The following DNMT3A variants were observed in gnomAD, a reference collection of about 807,000 sequenced individuals.
The protein encoded by DNMT3A is DNA (cytosine-5)-methyltransferase 3A.
In DNMT3A, 267 loss-of-function variants were observed where a neutral mutation model predicts 117.6. That is an observed-to-expected ratio of 2.27 (90% CI 2.05 to 2.51). The LOEUF (loss-of-function observed/expected upper bound fraction) is 2.51. DNMT3A is among the 30% of genes most tolerant of loss of function. The pLI, the probability that DNMT3A is intolerant of heterozygous loss-of-function variation, is 0.00. For synonymous variants in DNMT3A, 432 were observed against 474.8 expected (o/e 0.91, Z 1.17); for missense variants, 1,029 against 1,260.2 (o/e 0.82, Z 2.78).
chr2:25,274,241 A>T (rs536671140), intron 6 of DNMT3A, among the ~76,000 whole-genome samples: 12 of 152,316 alleles, frequency 7.9e-5, no homozygotes, highest in African/African-American at 2.6e-4. Flanking sequence ...GTCCATCAGC[A>T]AGCCCTAGCT....
At chr2:25,316,057 G>A (rs921787039) in intron 1 of DNMT3A, among the ~76,000 whole-genome samples, 3 of 152,212 alleles carry the variant, frequency 2.0e-5, no homozygotes, top group Non-Finnish European at 1.5e-5. Flanking sequence ...AGCTCTGACC[G>A]GCCAAGGAAG....
intron 2 of DNMT3A, among the ~76,000 whole-genome samples, chr2:25,309,614 C>A (rs2033990699): frequency 6.6e-6 from 1 of 152,154 alleles, no homozygotes; most frequent in Non-Finnish European, 1.5e-5. Context: ...AGCGCAGAAG[C>A]CAGCCTCATT....
chr2:25,235,846 A>T, intron 21 of DNMT3A, 21 bp from the exon 22 acceptor site: 1 of 1,600,170 alleles, frequency 6.2e-7, no homozygotes. Flanking sequence ...AGGAGAAAAG[A>T]GGAATAAGCA....
chr2:25,252,526 C>G lies in DNMT3A; in HGVS notation c.640-4274G>C, dbSNP rs1675708897. Reference sequence around the variant, plus strand: ...GGGGCGAGGCCGTTCCCCGCCCGTTCCCAGGGCCCGCCCAGGCCGGGCTGC... The same window carrying G: ...GGGGCGAGGCCGTTCCCCGCCCGTTGCCAGGGCCCGCCCAGGCCGGGCTGC... On this transcript the variant is annotated intron_variant, in intron 6 of 22. Coordinates refer to ENST00000321117, the MANE Select transcript of DNMT3A (RefSeq NM_022552.5). The surrounding 1 kb of genome is among the most constrained non-coding windows in gnomAD (Gnocchi z 5.5). Among the ~76,000 whole-genome samples the G allele has an allele frequency of 6.6e-6, 1 of 151,630 alleles. No homozygotes were observed. Among genetic ancestry groups the G allele is most frequent in the Non-Finnish European group, 1.5e-5 (1 of 67,842 alleles).
chr2:25,270,868 C>T (rs2030824181), intron 6 of DNMT3A, among the ~76,000 whole-genome samples: 1 of 152,138 alleles, frequency 6.6e-6, no homozygotes, highest in Non-Finnish European at 1.5e-5. Flanking sequence ...GAAAACATTA[C>T]AAAAAATTAG....
In DNMT3A at chr2:25,237,205, C is replaced by A. The variant is rs984895615; in HGVS notation, c.2409-200G>T. Among the ~76,000 whole-genome samples, 1 of 152,210 alleles carries A rather than the reference C, an allele frequency of 6.6e-6. No individual in the cohort carries two copies. Among genetic ancestry groups the A allele is most frequent in the African/African-American group, 2.4e-5 (1 of 41,446 alleles). On this transcript the variant is annotated intron_variant, in intron 20 of 22. Transcript: ENST00000321117. The surrounding 1 kb of genome is among the most constrained non-coding windows in gnomAD (Gnocchi z 5.4). The stretch of plus-strand genomic sequence containing the variant: ...CACACACTGCAGCCATGCAAAGACA[C>A]AAATCCACCAAGCGTTAATCCTTAA...
chr2:25,319,201 A>G lies in DNMT3A; in HGVS notation c.-177-5040T>C, dbSNP rs550377428. The stretch of plus-strand genomic sequence containing the variant: ...GGCTAATTTTTTGTATTTCTAGTAG[A>G]GACGGGGTTTCACCATGTTAGCCAG... On this transcript the variant is annotated intron_variant, in intron 1 of 22. Transcript: ENST00000321117. Among the ~76,000 whole-genome samples, 3 of 151,320 alleles carry G rather than the reference A, an allele frequency of 2.0e-5. No homozygotes were observed. In the South Asian group the frequency reaches 6.3e-4, roughly 32 times the overall value.
At chr2:25,256,925 A>G (rs1005833934) in intron 6 of DNMT3A, among the ~76,000 whole-genome samples, 4 of 152,212 alleles carry the variant, frequency 2.6e-5, no homozygotes, top group African/African-American at 9.7e-5. Flanking sequence ...TGCCCATAGT[A>G]GAGGATTAAA....
At chr2:25,297,603 C>A (rs1016415503) in intron 3 of DNMT3A, among the ~76,000 whole-genome samples, 1 of 151,796 alleles carries the variant, frequency 6.6e-6, no homozygotes, top group Non-Finnish European at 1.5e-5. Context: ...CTTCCCCTTC[C>A]GGGTTCAAGC....
intron 6 of DNMT3A, among the ~76,000 whole-genome samples, chr2:25,262,049 G>T (rs1676661906): frequency 6.6e-6 from 1 of 151,968 alleles, no homozygotes; most frequent in African/African-American, 2.4e-5. Flanking sequence ...AATTAGCTGG[G>T]CATGGCAGCA....
rs1298452952 is a variant in DNMT3A, at chr2:25,339,912, C to G, written c.-178+1914G>C. Reference sequence around the variant, plus strand: ...AGGCGACACTGGAGCAGCACCTGATCCCAGGATCCCTTCGTAGCCGCCCGC... The same window carrying G: ...AGGCGACACTGGAGCAGCACCTGATGCCAGGATCCCTTCGTAGCCGCCCGC... On this transcript the variant is annotated intron_variant, in intron 1 of 22. Coordinates refer to ENST00000321117, the MANE Select transcript of DNMT3A (RefSeq NM_022552.5). The surrounding 1 kb of genome is among the most constrained non-coding windows in gnomAD (Gnocchi z 4.9). Among the ~76,000 whole-genome samples the G allele has an allele frequency of 1.4e-5, 2 of 147,038 alleles. No homozygotes were observed. The highest frequency in any genetic ancestry group is 2.5e-5 in the African/African-American group (1 of 39,452).
chr2:25,313,287 A>G (rs1450261361), intron 2 of DNMT3A, among the ~76,000 whole-genome samples: 1 of 150,108 alleles, frequency 6.7e-6, no homozygotes, highest in Non-Finnish European at 1.5e-5. Context: ...TTCTGAAAAC[A>G]TGGAGGTCAC....
chr2:25,314,604 T>C, intron 1 of DNMT3A: 3 of 984,664 alleles, frequency 3.0e-6, no homozygotes, highest in Non-Finnish European at 3.6e-6. Context: ...TCCCGCCACG[T>C]GGAGGAAGTG....
At chr2:25,283,882 G>A (rs1434888668) in intron 3 of DNMT3A, among the ~76,000 whole-genome samples, 1 of 152,216 alleles carries the variant, frequency 6.6e-6, no homozygotes, top group Non-Finnish European at 1.5e-5. Flanking sequence ...CTGGGAAGCA[G>A]GTGAGGAACC....
chr2:25,294,668 G>T lies in DNMT3A; in HGVS notation c.177+5471C>A, dbSNP rs2032985282. On this transcript the variant is annotated intron_variant, in intron 3 of 22. Transcript: ENST00000321117. This position sits in a 1 kb window ranked among gnomAD's most constrained non-coding sequence, Gnocchi z 4.7. ...CTATCAGGCTGGAAAGCTAGCCAGT[G>T]CTGCAAACCTCCAAGAGCTGCCATA... Among the ~76,000 whole-genome samples, 1 of 152,224 alleles carries T rather than the reference G, an allele frequency of 6.6e-6. No homozygotes were observed. The highest frequency in any genetic ancestry group is 1.5e-5 in the Non-Finnish European group (1 of 68,036).
chr2:25,307,747 G>A (rs1286218524), intron 2 of DNMT3A, among the ~76,000 whole-genome samples: 1 of 152,134 alleles, frequency 6.6e-6, no homozygotes, highest in African/African-American at 2.4e-5. Context: ...ATTCAGGTGT[G>A]AGCCACTGCG....
intron 19 of DNMT3A, chr2:25,239,538 G>A (rs1001775780): frequency 5.4e-6 from 3 of 558,776 alleles, no homozygotes; most frequent in African/African-American, 1.8e-5. Flanking sequence ...ATGTGATTGA[G>A]GAGCTGAATG....
intron 6 of DNMT3A, among the ~76,000 whole-genome samples, chr2:25,264,331 C>T (rs141163301): frequency 0.02 from 3,040 of 151,314 alleles, 56 homozygotes; most frequent in Non-Finnish European, 0.026. Context: ...GTAGAGACGG[C>T]GTTTCACCAT....
chr2:25,251,950 C>A, intron 6 of DNMT3A: 1 of 498,174 alleles, frequency 2.0e-6, no homozygotes, highest in Non-Finnish European at 3.5e-6. Flanking sequence ...TTCCTGTCCC[C>A]CGAGGGCGCC....
Sources: gnomAD v4.1 joint callset for allele counts (sites outside exome capture counted in the v4.1 genomes callset) on GRCh38, gnomAD v4.1.1 for gene constraint, Gnocchi (gnomAD v3.1) non-coding constraint, MANE v1.5 for transcripts, NCBI Gene and HGNC (gene_info 2026-07-23, HGNC 2026-07-21) for gene names.